The following ZNF536 variants were observed in gnomAD, a reference collection of about 807,000 sequenced individuals.
The protein encoded by ZNF536 is zinc finger protein 536.
ZNF536 carries 13 observed loss-of-function variants against 84.5 expected under a neutral mutation model. The ratio of observed to expected loss-of-function variants is 0.15; its 90% CI spans 0.10 to 0.24. ZNF536 has a LOEUF of 0.24. Ranked by LOEUF, ZNF536 falls within the 10% of genes least tolerant of loss-of-function variation. The pLI is 1.00. For missense variants in ZNF536, 1,536 were observed against 1,747.5 expected, an observed-to-expected ratio of 0.88 and a Z score of 2.16; for synonymous variants, 811 against 742.5, an observed-to-expected ratio of 1.09 and a Z score of -1.50.
intron 2 of ZNF536, among the ~76,000 whole-genome samples, chr19:30,290,112 G>T (rs1179065521): frequency 1.3e-5 from 2 of 151,994 alleles, no homozygotes; most frequent in African/African-American, 4.8e-5. Context: ...TTTATATAAT[G>T]GAACCATATA....
chr19:30,501,903 C>G (rs1285078910), intron 2 of ZNF536, among the ~76,000 whole-genome samples: 1 of 152,178 alleles, frequency 6.6e-6, no homozygotes, highest in Admixed American at 6.5e-5. Context: ...AATAATGGAA[C>G]ACTAGGCATA....
intron 1 of ZNF536, among the ~76,000 whole-genome samples, chr19:30,237,667 A>C (rs1049765396): frequency 6.6e-6 from 1 of 152,130 alleles, no homozygotes; most frequent in African/African-American, 2.4e-5. Flanking sequence ...CTGAAGGAGG[A>C]GAGTCTAAAG....
At chr19:30,705,647 G>T (rs1392126039) in intron 1 of ZNF536, among the ~76,000 whole-genome samples, 1 of 152,082 alleles carries the variant, frequency 6.6e-6, no homozygotes, top group African/African-American at 2.4e-5. Context: ...GAAAAACTGT[G>T]GAATGAAGGT....
chr19:30,701,066 T>A (rs1240779893), intron 1 of ZNF536, among the ~76,000 whole-genome samples: 1 of 152,188 alleles, frequency 6.6e-6, no homozygotes, highest in African/African-American at 2.4e-5. Flanking sequence ...GACGCCCTTC[T>A]GCAGTAGAGA....
chr19:30,361,597 A>G (rs2048277239), intron 3 of ZNF536, among the ~76,000 whole-genome samples: 1 of 152,108 alleles, frequency 6.6e-6, no homozygotes, highest in Admixed American at 6.5e-5. Context: ...AACACGCGCC[A>G]TGGACCCTTC....
chr19:30,280,541 T>G (rs1458604733), intron 1 of ZNF536, among the ~76,000 whole-genome samples: 2 of 152,184 alleles, frequency 1.3e-5, no homozygotes, highest in Non-Finnish European at 2.9e-5. Context: ...GATGGTGACA[T>G]TCATTGCTGC....
At chr19:30,384,309 C>T (rs1424288623) in intron 1 of ZNF536, among the ~76,000 whole-genome samples, 1 of 6,546 alleles carries the variant, frequency 1.5e-4, no homozygotes, top group African/African-American at 4.8e-4. Flanking sequence ...CCCTCCCCTC[C>T]CCTCCCTTCC....
At chr19:30,262,538 T>C (rs1053287447) in intron 1 of ZNF536, among the ~76,000 whole-genome samples, 1 of 152,236 alleles carries the variant, frequency 6.6e-6, no homozygotes, top group African/African-American at 2.4e-5. Flanking sequence ...AAGTCAGTTA[T>C]GCCACTGCCT....
chr19:30,625,820 G>A (rs1044071250), intron 1 of ZNF536, among the ~76,000 whole-genome samples: 72 of 152,272 alleles, frequency 4.7e-4, no homozygotes, highest in African/African-American at 1.7e-3. Context: ...TGCCCTTTGG[G>A]GGTTGGAGCT....
intron 1 of ZNF536, among the ~76,000 whole-genome samples, chr19:30,388,312 T>C (rs1389901237): frequency 6.6e-6 from 1 of 152,196 alleles, no homozygotes; most frequent in Non-Finnish European, 1.5e-5. Flanking sequence ...TCATGTGACT[T>C]TGCCTAAATC....
intron 1 of ZNF536, among the ~76,000 whole-genome samples, chr19:30,238,345 G>C (rs951771240): frequency 6.6e-6 from 1 of 152,178 alleles, no homozygotes; most frequent in Non-Finnish European, 1.5e-5. Context: ...AGGGTCAGCT[G>C]AGTTATGGAG....
intron 2 of ZNF536, among the ~76,000 whole-genome samples, chr19:30,302,950 C>A (rs974202422): frequency 5.3e-5 from 8 of 152,330 alleles, no homozygotes; most frequent in South Asian, 4.1e-4. Context: ...TATAAACTCT[C>A]TGGTGGCAGG....
chr19:30,341,725 C>T (rs1568344841), intron 2 of ZNF536, among the ~76,000 whole-genome samples: 1 of 151,774 alleles, frequency 6.6e-6, no homozygotes, highest in African/African-American at 2.4e-5. Context: ...TTTAACTGCC[C>T]CAAAATGGCA....
At chr19:30,398,635 C>T (rs571794884) in intron 1 of ZNF536, among the ~76,000 whole-genome samples, 4 of 152,028 alleles carry the variant, frequency 2.6e-5, no homozygotes, top group South Asian at 2.1e-4. Flanking sequence ...TGAGAACATG[C>T]GGTGTTTGGT....
intron 1 of ZNF536, among the ~76,000 whole-genome samples, chr19:30,438,554 A>G (rs564188606): frequency 5.7e-4 from 87 of 152,302 alleles, no homozygotes; most frequent in African/African-American, 2.0e-3. Context: ...GATATTCCCT[A>G]TGGGGCCTGT....
intron 1 of ZNF536, among the ~76,000 whole-genome samples, chr19:30,275,063 G>T (rs1298116935): frequency 6.6e-6 from 1 of 152,190 alleles, no homozygotes; most frequent in East Asian, 1.9e-4. Flanking sequence ...CTTGAGCTGA[G>T]TGGGGTCTTC....
At chr19:30,385,659 C>T (rs897910492) in intron 1 of ZNF536, among the ~76,000 whole-genome samples, 3 of 152,182 alleles carry the variant, frequency 2.0e-5, no homozygotes, top group Non-Finnish European at 4.4e-5. Flanking sequence ...AGGGAATGGG[C>T]AGGACACACC....
At chr19:30,472,858 C>A (rs537900430) in intron 2 of ZNF536, among the ~76,000 whole-genome samples, 1 of 151,912 alleles carries the variant, frequency 6.6e-6, no homozygotes, top group East Asian at 1.9e-4. Flanking sequence ...GGCCTTGGAC[C>A]GATCTGATTC....
intron 3 of ZNF536, among the ~76,000 whole-genome samples, chr19:30,546,315 T>G (rs976540002): frequency 6.6e-6 from 1 of 152,186 alleles, no homozygotes; most frequent in African/African-American, 2.4e-5. Flanking sequence ...CTGTCATTGG[T>G]CTAGCTAGAG....
Sources: gnomAD v4.1 joint callset for allele counts (sites outside exome capture counted in the v4.1 genomes callset) on GRCh38, gnomAD v4.1.1 for gene constraint, MANE v1.5 for transcripts, NCBI Gene and HGNC (gene_info 2026-07-23, HGNC 2026-07-21) for gene names.